The following FOXJ3 variants were observed in gnomAD, a reference collection of about 807,000 sequenced individuals.
The protein encoded by FOXJ3 is forkhead box protein J3.
A neutral mutation model predicts 76.1 loss-of-function variants in FOXJ3; 22 were observed. The ratio of observed to expected loss-of-function variants is 0.29; its 90% CI spans 0.21 to 0.41. The LOEUF is 0.41. FOXJ3 is among the 10% of genes least tolerant of loss of function. The pLI is 1.00. For synonymous variants in FOXJ3, 269 were observed against 261.2 expected (o/e 1.03, Z -0.29); for missense variants, 613 against 762.1 (o/e 0.80, Z 2.30).
At chr1:42,276,604 T>C (rs1161282848) in intron 3 of FOXJ3, among the ~76,000 whole-genome samples, 2 of 152,212 alleles carry the variant, frequency 1.3e-5, no homozygotes, top group African/African-American at 2.4e-5. Context: ...TCTCATTTTA[T>C]GTTGTTTTGC....
intron 5 of FOXJ3, among the ~76,000 whole-genome samples, chr1:42,222,095 A>AGAAGAAGAAGAAGAG: frequency 6.8e-6 from 1 of 146,750 alleles, no homozygotes; most frequent in East Asian, 2.2e-4. Flanking sequence ...AAGAAGAAGA[A>AGAAGAAGAAGAAGAG]GAAGAAGAAG....
intron 11 of FOXJ3, among the ~76,000 whole-genome samples, chr1:42,183,299 G>A (rs1402766720): frequency 2.0e-5 from 2 of 101,876 alleles, no homozygotes; most frequent in East Asian, 7.0e-4. Flanking sequence ...CGGAGGGGGC[G>A]GGGCGGGGTG....
intron 2 of FOXJ3, among the ~76,000 whole-genome samples, chr1:42,282,375 A>G (rs1652777778): frequency 6.6e-6 from 1 of 152,152 alleles, no homozygotes; most frequent in Non-Finnish European, 1.5e-5. Context: ...AAACACTTTC[A>G]ATGGCTCCCT....
chr1:42,237,442 A>G, intron 4 of FOXJ3, among the ~76,000 whole-genome samples: 1 of 147,574 alleles, frequency 6.8e-6, no homozygotes, highest in Middle Eastern at 3.6e-3. Context: ...ACATACATAT[A>G]TATATATACA....
chr1:42,267,426 T>A (rs1341412), intron 3 of FOXJ3, among the ~76,000 whole-genome samples: 111,338 of 151,990 alleles, frequency 0.73, 40,978 homozygotes, highest in Admixed American at 0.81. Flanking sequence ...ACATAAATTT[T>A]AAAAAAATCC....
At chr1:42,224,784 G>C (rs1647414990) in intron 5 of FOXJ3, among the ~76,000 whole-genome samples, 1 of 152,012 alleles carries the variant, frequency 6.6e-6, no homozygotes, top group African/African-American at 2.4e-5. Flanking sequence ...CTTCTCTTTA[G>C]CAGTTTAGAA....
At chr1:42,274,222 G>A (rs1652085210) in intron 3 of FOXJ3, among the ~76,000 whole-genome samples, 1 of 152,126 alleles carries the variant, frequency 6.6e-6, no homozygotes. Flanking sequence ...AGAAAGCACA[G>A]CTTAAATAGA....
intron 5 of FOXJ3, among the ~76,000 whole-genome samples, chr1:42,221,415 T>C (rs1647183981): frequency 6.6e-6 from 1 of 152,186 alleles, no homozygotes; most frequent in African/African-American, 2.4e-5. Context: ...TTCTTGATTA[T>C]CAAGATGATA....
intron 1 of FOXJ3, chr1:42,323,797 G>T: frequency 1.9e-6 from 1 of 527,184 alleles, no homozygotes; most frequent in Non-Finnish European, 2.4e-6. Flanking sequence ...AAAGAAGGCA[G>T]ACTAGGTCTC....
rs574892995 is a variant in FOXJ3 at position 42,197,529 on chromosome 1, C to G, written c.759+1573G>C. On this transcript the variant is annotated intron_variant, in intron 7 of 12. Coordinates refer to ENST00000361346, the MANE Select transcript of FOXJ3 (RefSeq NM_014947.5). ...ACAGGAACCCCAACCCACTAGGACA[C>G]CAAAATCTGCACATGCTCAAGTCCC... Among the ~76,000 whole-genome samples, 6 of 152,182 alleles carry G rather than the reference C, an allele frequency of 3.9e-5. No homozygotes were observed. The South Asian group carries it at 1.0e-3, about 26-fold the overall frequency.
intron 6 of FOXJ3, among the ~76,000 whole-genome samples, chr1:42,199,675 T>C (rs1646721470): frequency 1.3e-5 from 2 of 151,798 alleles, no homozygotes; most frequent in Non-Finnish European, 2.9e-5. Context: ...GTATTTTTAA[T>C]ACTGAAGATT....
chr1:42,194,564 A>G (rs570408080), intron 8 of FOXJ3, among the ~76,000 whole-genome samples: 215 of 152,328 alleles, frequency 1.4e-3, no homozygotes, highest in African/African-American at 4.6e-3. Flanking sequence ...TTCACCACTC[A>G]AACACTTCAT....
intron 2 of FOXJ3, among the ~76,000 whole-genome samples, chr1:42,294,805 G>A (rs1250985685): frequency 6.7e-6 from 1 of 149,080 alleles, no homozygotes; most frequent in Non-Finnish European, 1.5e-5. Flanking sequence ...GGGATAGAAT[G>A]GCTATGTGTA....
intron 4 of FOXJ3, among the ~76,000 whole-genome samples, chr1:42,252,377 T>A (rs1053291148): frequency 2.6e-5 from 4 of 152,352 alleles, no homozygotes; most frequent in Admixed American, 1.3e-4. Flanking sequence ...GAGGAATTTA[T>A]CCATTTCTTC....
At chr1:42,189,270 T>C (rs1321319544) in intron 10 of FOXJ3, 33 bp downstream of exon 10, 1 of 1,290,450 alleles carries the variant, frequency 7.7e-7, no homozygotes, top group Non-Finnish European at 1.1e-6. Flanking sequence ...ATCATGTGTA[T>C]TTGGTTATAT....
intron 1 of FOXJ3, among the ~76,000 whole-genome samples, chr1:42,316,452 T>C (rs988019055): frequency 1.8e-4 from 27 of 151,012 alleles, no homozygotes; most frequent in Middle Eastern, 3.4e-3. Flanking sequence ...ATTACAGGCA[T>C]GAGTCATCAC....
Position 42,178,176 on chromosome 1 carries a change from A to G in FOXJ3, c.*1534T>C, listed in dbSNP as rs1341844176. On this transcript the variant is annotated 3_prime_UTR_variant, in exon 13 of 13. Transcript: ENST00000361346. ...GAAAGGGACCAAATGTCATGCATAC[A>G]CAGACATACAAGACAACAGAAACAG... is the stretch of plus-strand genomic sequence containing the variant. The G allele has an allele frequency of 6.6e-6, 1 of 152,418 alleles. No homozygotes were observed. Among genetic ancestry groups the G allele is most frequent in the Non-Finnish European group, 1.5e-5 (1 of 68,050 alleles). 9.4% of individuals were successfully genotyped at this position (152,418 alleles called of 1,614,324 possible).
chr1:42,245,181 A>C (rs1386702449), intron 4 of FOXJ3, among the ~76,000 whole-genome samples: 2 of 151,918 alleles, frequency 1.3e-5, no homozygotes, highest in East Asian at 1.9e-4. Context: ...AAAAAAAAAA[A>C]AAAACAAGTC....
chr1:42,192,785 T>C (rs1386054250), intron 8 of FOXJ3, among the ~76,000 whole-genome samples: 1 of 150,942 alleles, frequency 6.6e-6, no homozygotes, highest in South Asian at 2.1e-4. Flanking sequence ...CACAAGATAA[T>C]ATCAATCAAT....
Sources: allele counts gnomAD v4.1 joint callset (sites outside exome capture counted in the v4.1 genomes callset), GRCh38; gene constraint gnomAD v4.1.1; transcripts MANE v1.5; gene names NCBI Gene and HGNC (gene_info 2026-07-23, HGNC 2026-07-21).